CASZ1: variants seen among roughly 807,000 people sequenced by gnomAD.
CASZ1 encodes the protein zinc finger protein castor homolog 1.
Under a neutral mutation model 135.2 loss-of-function variants are expected in CASZ1, and 28 were observed. That is an observed-to-expected ratio of 0.21 (90% CI 0.15 to 0.28). The LOEUF is 0.28. Ranked by LOEUF, CASZ1 falls within the 10% of genes least tolerant of loss-of-function variation. The pLI is 1.00. For synonymous variants in CASZ1, 1,068 were observed against 1,073.4 expected (o/e 0.99, Z 0.10); for missense variants, 2,161 against 2,453.3 (o/e 0.88, Z 2.52).
intron 1 of CASZ1, among the ~76,000 whole-genome samples, chr1:10,783,744 C>T (rs1045185444): frequency 3.1e-4 from 47 of 151,648 alleles, no homozygotes; most frequent in African/African-American, 1.1e-3. Flanking sequence ...TGGTGACGCA[C>T]GCCTGTAATC....
chr1:10,733,355 TA>T (rs1232706350), intron 2 of CASZ1, among the ~76,000 whole-genome samples: 2 of 152,092 alleles, frequency 1.3e-5, no homozygotes, highest in Non-Finnish European at 2.9e-5. Flanking sequence ...TCCGACCAGC[TA>T]AACCTCTGTG....
At position 10,739,542 on chromosome 1, in the gene CASZ1, C is replaced by T. The variant is rs988827531; in HGVS notation, c.-77+21159G>A. ...ACCTTTCCCTGAGCCCTCCGCCCCC[C>T]GGGCCCACTCCCCGTTCTCCCAGCC... On this transcript the variant is annotated intron_variant, in intron 2 of 20. Coordinates refer to ENST00000377022, the MANE Select transcript of CASZ1 (RefSeq NM_001079843.3). The surrounding 1 kb of genome is among the most constrained non-coding windows in gnomAD (Gnocchi z 4.8). Among the ~76,000 whole-genome samples the T allele has an allele frequency of 4.6e-5, 7 of 152,316 alleles. No individual in the cohort carries two copies. The highest frequency in any genetic ancestry group is 1.4e-4 in the African/African-American group (6 of 41,560).
chr1:10,666,486 A>G lies in CASZ1; in HGVS notation c.17-915T>C, dbSNP rs1417577745. Reference sequence around the variant, plus strand: ...CTCGGCCAGCCTCTGCAGCCCCGGAAGGCCTGGCCAGCCCACTTCCCAGCC... The same window carrying G: ...CTCGGCCAGCCTCTGCAGCCCCGGAGGGCCTGGCCAGCCCACTTCCCAGCC... On this transcript the variant is annotated intron_variant, in intron 4 of 20. Transcript: ENST00000377022. The surrounding 1 kb of genome is among the most constrained non-coding windows in gnomAD (Gnocchi z 5.2). 6.6e-6 allele frequency among the ~76,000 whole-genome samples: 1 copy of G among 152,152 alleles called. No homozygotes were observed. The highest frequency in any genetic ancestry group is 2.4e-5 in the African/African-American group (1 of 41,438).
At chr1:10,780,833 T>C (rs1640750432) in intron 1 of CASZ1, among the ~76,000 whole-genome samples, 1 of 152,194 alleles carries the variant, frequency 6.6e-6, no homozygotes, top group African/African-American at 2.4e-5. Context: ...CAGAGCCTCA[T>C]TTCCTGCCAG....
chr1:10,700,576 T>G lies in CASZ1; in HGVS notation c.-24+4916A>C, dbSNP rs1340463288. Among the ~76,000 whole-genome samples, 1 of 152,096 alleles carries G rather than the reference T, an allele frequency of 6.6e-6. No homozygotes were observed. On this transcript the variant is annotated intron_variant, in intron 3 of 20. Coordinates refer to ENST00000377022, the MANE Select transcript of CASZ1 (RefSeq NM_001079843.3). This position sits in a 1 kb window ranked among gnomAD's most constrained non-coding sequence, Gnocchi z 4.2. ...TGTGTGTCAGGGGTGGGGTGGGGGT[T>G]AGCCAGGACATCAAGCAATCCCTCA...
rs1640666766 is a variant in CASZ1, at chr1:10,776,700, C to T, written c.-233-15843G>A. ...TTGACAGGTTGTGGGAGAGGGTTGG[C>T]TGCATGGCACAGCTGCGGACTCCAG... On this transcript the variant is annotated intron_variant, in intron 1 of 20. Coordinates refer to ENST00000377022, the MANE Select transcript of CASZ1 (RefSeq NM_001079843.3). The surrounding 1 kb of genome is among the most constrained non-coding windows in gnomAD (Gnocchi z 4.1). 6.6e-6 allele frequency among the ~76,000 whole-genome samples: 1 copy of T among 152,182 alleles called. No homozygotes were observed. Among genetic ancestry groups the T allele is most frequent in the Non-Finnish European group, 1.5e-5 (1 of 68,018 alleles).
chr1:10,791,237 G>A (rs1640951003), intron 1 of CASZ1, among the ~76,000 whole-genome samples: 1 of 152,172 alleles, frequency 6.6e-6, no homozygotes, highest in Admixed American at 6.5e-5. Context: ...TTAACCAGTG[G>A]GGATTCCAAA....
In CASZ1 at chr1:10,721,639, G is replaced by A. The variant is rs1639498965; in HGVS notation, c.-76-16095C>T. ...CATCAGAGCCCACGGGGGGCTGGACGAGGGTGGAGGGTACGCCAGTGACCT... is the reference window on the plus strand; with the variant it reads ...CATCAGAGCCCACGGGGGGCTGGACAAGGGTGGAGGGTACGCCAGTGACCT... On this transcript the variant is annotated intron_variant, in intron 2 of 20. Transcript: ENST00000377022. The surrounding 1 kb of genome is among the most constrained non-coding windows in gnomAD (Gnocchi z 5.4). Among the ~76,000 whole-genome samples the A allele has an allele frequency of 6.6e-6, 1 of 152,208 alleles. No homozygotes were observed. Among genetic ancestry groups the A allele is most frequent in the Non-Finnish European group, 1.5e-5 (1 of 68,038 alleles).
At chr1:10,662,841 C>G (rs562946287) in intron 5 of CASZ1, among the ~76,000 whole-genome samples, 1 of 152,350 alleles carries the variant, frequency 6.6e-6, no homozygotes, top group Admixed American at 6.5e-5. Flanking sequence ...ACACAACCCC[C>G]TGAACCCCTG....
rs1045740985 is a variant in CASZ1, at chr1:10,747,610, T to C, written c.-77+13091A>G. Among the ~76,000 whole-genome samples, 3 of 152,162 alleles carry C rather than the reference T, an allele frequency of 2.0e-5. No homozygotes were observed. Among genetic ancestry groups the C allele is most frequent in the Admixed American group, 6.5e-5 (1 of 15,284 alleles). On this transcript the variant is annotated intron_variant, in intron 2 of 20. Coordinates refer to ENST00000377022, the MANE Select transcript of CASZ1 (RefSeq NM_001079843.3). The surrounding 1 kb of genome is among the most constrained non-coding windows in gnomAD (Gnocchi z 4.3). ...GTCCCTAATCAAAGCCCAGCCCATG[T>C]GCAAGAAACGGGAAAGAACCTGCCT... is the stretch of plus-strand genomic sequence containing the variant.
chr1:10,732,409 G>A (rs1639717664), intron 2 of CASZ1, among the ~76,000 whole-genome samples: 1 of 151,966 alleles, frequency 6.6e-6, no homozygotes, highest in Admixed American at 6.6e-5. Context: ...ATCATAAAGG[G>A]TCACTGAGAC....
intron 20 of CASZ1, among the ~76,000 whole-genome samples, chr1:10,641,467 G>T (rs560380340): frequency 6.6e-6 from 1 of 152,130 alleles, no homozygotes; most frequent in Non-Finnish European, 1.5e-5. Context: ...ATCCCGGTGG[G>T]TATCAGATAT....
chr1:10,785,059 C>CTT (rs200288401), intron 1 of CASZ1, among the ~76,000 whole-genome samples: 1 of 138,312 alleles, frequency 7.2e-6, no homozygotes, highest in Non-Finnish European at 1.5e-5. Context: ...TTCTTTCTGT[C>CTT]TCTCTCTCTC....
intron 2 of CASZ1, among the ~76,000 whole-genome samples, chr1:10,743,291 G>A (rs1482256891): frequency 6.6e-6 from 1 of 152,080 alleles, no homozygotes; most frequent in East Asian, 1.9e-4. Flanking sequence ...AGACATTCAA[G>A]GGTGAGTGAT....
At position 10,654,227 on chromosome 1, in the gene CASZ1, G is replaced by C; in HGVS notation, c.1839-9C>G. On this transcript the variant is annotated splice_polypyrimidine_tract_variant and intron_variant, in intron 10 of 20. Transcript: ENST00000377022. ...ATGTGCAGCCGGGGCGCCTGGATGG[G>C]ACATTGGGAGCCTGTCATGAGACCC... 6.2e-7 allele frequency: 1 copy of C among 1,613,114 alleles called. No individual in the cohort carries two copies. The highest frequency in any genetic ancestry group is 8.5e-7 in the Non-Finnish European group (1 of 1,179,410).
At chr1:10,698,891 C>T (rs1050650003) in intron 3 of CASZ1, among the ~76,000 whole-genome samples, 1 of 152,260 alleles carries the variant, frequency 6.6e-6, no homozygotes, top group Admixed American at 6.5e-5. Flanking sequence ...GCTTAGGTCA[C>T]AGCTTGGCCT....
intron 4 of CASZ1, among the ~76,000 whole-genome samples, chr1:10,675,437 C>T (rs1037421232): frequency 5.3e-5 from 8 of 151,780 alleles, no homozygotes; most frequent in Admixed American, 3.9e-4. Context: ...TGCGAGCAGG[C>T]GGGGTGGTCT....
intron 1 of CASZ1, among the ~76,000 whole-genome samples, chr1:10,769,059 G>C (rs1234353601): frequency 6.6e-6 from 1 of 152,212 alleles, no homozygotes; most frequent in Non-Finnish European, 1.5e-5. Flanking sequence ...AGAATCACTT[G>C]AACCTGGGAG....
At position 10,643,317 on chromosome 1, in the gene CASZ1, G is replaced by A; in HGVS notation, c.3869-6C>T. 6.2e-7 allele frequency: 1 copy of A among 1,612,450 alleles called. No individual in the cohort carries two copies. Among genetic ancestry groups the A allele is most frequent in the Non-Finnish European group, 8.5e-7 (1 of 1,179,822 alleles). Reference sequence around the variant, plus strand: ...CACCTGGTTGTACTTGCAACCTGTGGACACAGCCCCACCTGGCATGAGCCC... The same window carrying A: ...CACCTGGTTGTACTTGCAACCTGTGAACACAGCCCCACCTGGCATGAGCCC... On this transcript the variant is annotated splice_region_variant and splice_polypyrimidine_tract_variant and intron_variant, in intron 18 of 20. Coordinates refer to ENST00000377022, the MANE Select transcript of CASZ1 (RefSeq NM_001079843.3).
Sources: allele counts gnomAD v4.1 joint callset (sites outside exome capture counted in the v4.1 genomes callset), GRCh38; gene constraint gnomAD v4.1.1; non-coding constraint Gnocchi (gnomAD v3.1); transcripts MANE v1.5; gene names NCBI Gene and HGNC (gene_info 2026-07-23, HGNC 2026-07-21).